Variants in CACNA2D1 observed in about 807,000 individuals in gnomAD.
The protein encoded by CACNA2D1 is calcium voltage-gated channel auxiliary subunit alpha2delta 1.
In CACNA2D1, 53 loss-of-function variants were observed where a neutral mutation model predicts 171.5. The ratio of observed to expected loss-of-function variants is 0.31; its 90% confidence interval spans 0.25 to 0.39. The LOEUF (loss-of-function observed/expected upper bound fraction) is 0.39, where lower values mean the gene tolerates loss of function less well. Among genes scored for constraint, CACNA2D1 ranks in the 10% least tolerant of loss-of-function variants. The pLI, the probability that CACNA2D1 is intolerant of heterozygous loss-of-function variation, is 1.00. For synonymous variants in CACNA2D1, 442 were observed against 443.1 expected, an observed-to-expected ratio of 1.00 and a Z score of 0.03; for missense variants, 903 against 1,299.8, an observed-to-expected ratio of 0.69 and a Z score of 4.69.
At chr7:82,051,398 G>A (rs1229049218) in intron 10 of CACNA2D1, among the ~76,000 whole-genome samples, 2 of 151,588 alleles carry the variant, frequency 1.3e-5, no homozygotes, top group Non-Finnish European at 2.9e-5. Flanking sequence ...TGGACAAAAG[G>A]TACAACTAAC....
At chr7:82,355,772 C>T (rs916923616) in intron 1 of CACNA2D1, among the ~76,000 whole-genome samples, 2 of 151,936 alleles carry the variant, frequency 1.3e-5, no homozygotes, top group Non-Finnish European at 2.9e-5. Context: ...ATTTTACCTG[C>T]CATTCTCCTT....
intron 1 of CACNA2D1, among the ~76,000 whole-genome samples, chr7:82,422,289 C>G (rs1416358342): frequency 6.6e-6 from 1 of 152,112 alleles, no homozygotes; most frequent in Non-Finnish European, 1.5e-5. Flanking sequence ...ATCATGGCCT[C>G]TGAATTCTCT....
chr7:82,189,355 T>G (rs1563178468), intron 3 of CACNA2D1, among the ~76,000 whole-genome samples: 1 of 151,872 alleles, frequency 6.6e-6, no homozygotes, highest in Non-Finnish European at 1.5e-5. Context: ...CAGGCTGCAG[T>G]TGTGCCTAAA....
intron 3 of CACNA2D1, among the ~76,000 whole-genome samples, chr7:82,258,028 G>A (rs1002799426): frequency 2.0e-4 from 30 of 152,160 alleles, no homozygotes; most frequent in Non-Finnish European, 4.3e-4. Context: ...GGAGGCAAAT[G>A]CTTCTGAAAG....
intron 3 of CACNA2D1, among the ~76,000 whole-genome samples, chr7:82,312,509 C>CTTTTTTT (rs557443177): frequency 1.7e-5 from 2 of 118,990 alleles, no homozygotes; most frequent in Admixed American, 8.9e-5. Context: ...TTAACTGAAA[C>CTTTTTTT]TTTTTTTTTT....
At position 82,012,177 on chromosome 7, in the gene CACNA2D1, T is replaced by C. The variant is rs1799864430; in HGVS notation, c.1339A>G (p.Thr447Ala). Residue 447 changes from threonine to alanine, a missense_variant, in exon 15 of 39, where the codon ACA becomes GCA. Thr to Ala is a moderately conservative substitution (Grantham distance 58). Around this residue, in one of 5 missense-constraint regions of CACNA2D1, gnomAD observed 623 missense variants for 925.5 expected, o/e 0.67. Coordinates refer to ENST00000356860, the MANE Select transcript of CACNA2D1 (RefSeq NM_000722.4). ...AGDKAKQVQWTNVYLDALELG... is the reference protein window; with the variant it reads ...AGDKAKQVQWANVYLDALELG... ...ACCAATGCATCCAGGTACACATTTGTCCATTGGACTTGCTTAGCTTTGTCT... is the reference window on the plus strand; with the variant it reads ...ACCAATGCATCCAGGTACACATTTGCCCATTGGACTTGCTTAGCTTTGTCT... The C allele has an allele frequency of 6.2e-7, 1 of 1,602,228 alleles. No homozygotes were observed. The highest frequency in any genetic ancestry group is 1.7e-5 in the Admixed American group (1 of 59,936).
chr7:82,073,595 ATTTAT>A (rs546555201), intron 7 of CACNA2D1, among the ~76,000 whole-genome samples: 397 of 152,132 alleles, frequency 2.6e-3, no homozygotes, highest in Non-Finnish European at 4.5e-3. Context: ...TTGGTATTTT[ATTTAT>A]TTTATTTTAA....
intron 1 of CACNA2D1, among the ~76,000 whole-genome samples, chr7:82,403,845 T>G (rs1487577379): frequency 6.6e-6 from 1 of 152,224 alleles, no homozygotes; most frequent in Admixed American, 6.5e-5. Flanking sequence ...GAAGTTTTTA[T>G]GAAGTCACAT....
intron 5 of CACNA2D1, among the ~76,000 whole-genome samples, chr7:82,133,330 G>A (rs1791222948): frequency 6.6e-6 from 1 of 152,116 alleles, no homozygotes; most frequent in African/African-American, 2.4e-5. Context: ...CAGTGAGCCT[G>A]AAAAAACATG....
At chr7:82,180,510 A>G (rs1326884122) in intron 3 of CACNA2D1, among the ~76,000 whole-genome samples, 1 of 152,164 alleles carries the variant, frequency 6.6e-6, no homozygotes, top group African/African-American at 2.4e-5. Context: ...AATTAGGGCA[A>G]AATCTCAGAC....
chr7:82,302,149 T>C (rs1206843376), intron 3 of CACNA2D1, among the ~76,000 whole-genome samples: 6 of 152,204 alleles, frequency 3.9e-5, no homozygotes, highest in Non-Finnish European at 8.8e-5. Context: ...AATAACAAAA[T>C]CTACATATAA....
intron 29 of CACNA2D1, among the ~76,000 whole-genome samples, chr7:81,967,930 T>A (rs1024604030): frequency 6.6e-6 from 1 of 151,478 alleles, no homozygotes; most frequent in African/African-American, 2.4e-5. Context: ...GAGAGCCTCA[T>A]AAACTTGAGG....
intron 4 of CACNA2D1, among the ~76,000 whole-genome samples, chr7:82,149,101 C>T (rs1181234834): frequency 2.0e-5 from 3 of 152,162 alleles, no homozygotes; most frequent in Non-Finnish European, 2.9e-5. Flanking sequence ...GTACTCAGCA[C>T]AGCATAGTGT....
At chr7:82,290,975 C>CTTT (rs3054678) in intron 3 of CACNA2D1, among the ~76,000 whole-genome samples, 4 of 138,886 alleles carry the variant, frequency 2.9e-5, no homozygotes, top group African/African-American at 1.1e-4. Flanking sequence ...ACTTTCTTTT[C>CTTT]TTTTTTTTTT....
chr7:82,276,394 T>G (rs1223329462), intron 3 of CACNA2D1, among the ~76,000 whole-genome samples: 1 of 152,106 alleles, frequency 6.6e-6, no homozygotes, highest in Non-Finnish European at 1.5e-5. Context: ...CCTAAACTAA[T>G]GACGTAGAGA....
intron 3 of CACNA2D1, among the ~76,000 whole-genome samples, chr7:82,319,466 G>T (rs546766771): frequency 5.9e-5 from 9 of 152,220 alleles, no homozygotes; most frequent in African/African-American, 1.9e-4. Context: ...AGTCAAACTT[G>T]TTACTATCAA....
At position 82,078,844 on chromosome 7, in the gene CACNA2D1, T is replaced by C. The variant is rs76154574; in HGVS notation, c.658+5925A>G. ...TTTTATAAGAACCTAGAACTCCTCA[T>C]AGTCTACCTGCCTTCCAAGAAGGAG... is the stretch of plus-strand genomic sequence containing the variant. On this transcript the variant is annotated intron_variant, in intron 7 of 38. Coordinates refer to ENST00000356860, the MANE Select transcript of CACNA2D1 (RefSeq NM_000722.4). 3.5e-3 allele frequency among the ~76,000 whole-genome samples: 530 copies of C among 151,930 alleles called. 2 individuals are homozygous for C. The highest frequency in any genetic ancestry group is 0.012 in the African/African-American group (510 of 41,418).
chr7:82,278,583 T>G (rs1051155994), intron 3 of CACNA2D1, among the ~76,000 whole-genome samples: 25 of 123,314 alleles, frequency 2.0e-4, no homozygotes, highest in Non-Finnish European at 3.8e-4. Context: ...AAAAAAAAAT[T>G]ACATATCTTC....
chr7:82,187,839 A>T (rs1241215289), intron 3 of CACNA2D1, among the ~76,000 whole-genome samples: 1 of 152,124 alleles, frequency 6.6e-6, no homozygotes, highest in Non-Finnish European at 1.5e-5. Context: ...GGAGACTGGG[A>T]AGTCCAAGAT....
Sources: allele counts gnomAD v4.1 joint callset (sites outside exome capture counted in the v4.1 genomes callset), GRCh38; gene constraint gnomAD v4.1.1; regional missense constraint gnomAD v4.1.1; transcripts MANE v1.5; gene names NCBI Gene and HGNC (gene_info 2026-07-23, HGNC 2026-07-21).